The following KAZN variants were observed in gnomAD, a reference collection of about 807,000 sequenced individuals.
KAZN encodes the protein kazrin, periplakin interacting protein.
In KAZN, 40 loss-of-function variants were observed where a neutral mutation model predicts 87.4. That is an observed-to-expected ratio of 0.46 (90% CI 0.36 to 0.60). The LOEUF (loss-of-function observed/expected upper bound fraction) is 0.60. Among genes scored for constraint, KAZN ranks in the 20% least tolerant of loss-of-function variants. The pLI is 0.00. For synonymous variants in KAZN, 466 were observed against 458.3 expected (o/e 1.02, Z -0.22); for missense variants, 898 against 1,073.9 (o/e 0.84, Z 2.29).
At chr1:14,406,359 A>G (rs1162364180) in intron 2 of KAZN, among the ~76,000 whole-genome samples, 2 of 152,252 alleles carry the variant, frequency 1.3e-5, no homozygotes, top group South Asian at 2.1e-4. Context: ...CTACTCAGCC[A>G]TAAAAAAAGA....
At chr1:14,382,942 A>C (rs907497762) in intron 2 of KAZN, among the ~76,000 whole-genome samples, 6 of 151,406 alleles carry the variant, frequency 4.0e-5, no homozygotes, top group African/African-American at 1.5e-4. Flanking sequence ...CCAACGGTGT[A>C]AAAGTGTTCC....
At chr1:14,859,740 A>G (rs1650608187) in intron 1 of KAZN, among the ~76,000 whole-genome samples, 1 of 152,196 alleles carries the variant, frequency 6.6e-6, no homozygotes, top group African/African-American at 2.4e-5. Flanking sequence ...TAAGGAGGGC[A>G]GGATTACTTG....
chr1:14,227,463 T>C (rs1237696100), intron 2 of KAZN, among the ~76,000 whole-genome samples: 8 of 152,046 alleles, frequency 5.3e-5, no homozygotes, highest in Non-Finnish European at 1.2e-4. Flanking sequence ...GGCTGGAGGG[T>C]TGCAGACAGG....
In KAZN at chr1:14,669,318, TC is replaced by T. The variant is rs139083133; in HGVS notation, c.226+70096del. On this transcript the variant is annotated intron_variant, in intron 1 of 14. Coordinates refer to ENST00000376030, the MANE Select transcript of KAZN (RefSeq NM_201628.3). ...GCTATTAGGAGCCAGTAGGTAAAGG[TC>T]AGGGGAGGCTGCCAAACATCCCACA... Among the ~76,000 whole-genome samples, 446 of 152,208 alleles carry T rather than the reference TC, an allele frequency of 2.9e-3. 7 individuals carry two copies. Among genetic ancestry groups the T allele is most frequent in the East Asian group, 0.019 (99 of 5,178 alleles).
intron 4 of KAZN, among the ~76,000 whole-genome samples, chr1:15,049,758 A>G (rs10803342): frequency 0.34 from 51,059 of 151,952 alleles, 10,424 homozygotes; most frequent in East Asian, 0.71. Flanking sequence ...GTGTGGTGGC[A>G]CACACCTGTA....
chr1:14,644,995 G>T (rs1460234721), intron 1 of KAZN, among the ~76,000 whole-genome samples: 3 of 152,016 alleles, frequency 2.0e-5, no homozygotes, highest in Non-Finnish European at 2.9e-5. Context: ...GTAAGGAAGG[G>T]GTCCAATTTC....
At position 14,833,969 on chromosome 1, in the gene KAZN, TCACACACA is replaced by T. The variant is rs56000715; in HGVS notation, c.227-126682_227-126675del. Among the ~76,000 whole-genome samples, 778 of 141,940 alleles carry T rather than the reference TCACACACA, an allele frequency of 5.5e-3. 3 individuals carry two copies. The highest frequency in any genetic ancestry group is 0.011 in the South Asian group (49 of 4,328). 93.1% of individuals were successfully genotyped at this position (141,940 alleles called of 152,430 possible). A position where few individuals can be genotyped will look rare whatever the true frequency, so the allele number is the denominator to read the frequency against. On this transcript the variant is annotated intron_variant, in intron 1 of 14. Coordinates refer to ENST00000376030, the MANE Select transcript of KAZN (RefSeq NM_201628.3). ...GGACTCTGCTGTCCTCCCAAGTCAT[TCACACACA>T]CACACACACACACACACACACACAC...
chr1:15,014,397 C>G (rs2102107917), intron 2 of KAZN, among the ~76,000 whole-genome samples: 1 of 152,276 alleles, frequency 6.6e-6, no homozygotes, highest in South Asian at 2.1e-4. Context: ...AACCACAGTG[C>G]TCCACGGCGG....
Position 13,909,778 on chromosome 1 carries a change from T to G in KAZN, c.91+16022T>G, listed in dbSNP as rs140650676. 1.7e-3 allele frequency among the ~76,000 whole-genome samples: 256 copies of G among 152,320 alleles called. 1 individual carries two copies. The highest frequency in any genetic ancestry group is 6.0e-3 in the African/African-American group (250 of 41,574). On this transcript the variant is annotated intron_variant, in intron 1 of 16. Coordinates refer to the KAZN transcript ENST00000636203. ...CCTTCTGCTAGCCTTATGGAAAGAT[T>G]TGGTCTGAGTTGAACCCTGAGAATA...
intron 2 of KAZN, among the ~76,000 whole-genome samples, chr1:14,518,955 C>A (rs1035946464): frequency 6.6e-6 from 1 of 152,114 alleles, no homozygotes; most frequent in African/African-American, 2.4e-5. Flanking sequence ...GCATGGGGAC[C>A]CAACTTCGGA....
intron 3 of KAZN, among the ~76,000 whole-genome samples, chr1:15,035,094 G>A (rs1419275334): frequency 1.3e-5 from 2 of 152,014 alleles, no homozygotes; most frequent in South Asian, 2.1e-4. Context: ...ACAGGACAGC[G>A]TGGACTCAGG....
chr1:14,342,888 C>A (rs556343997), intron 2 of KAZN, among the ~76,000 whole-genome samples: 1 of 152,240 alleles, frequency 6.6e-6, no homozygotes, highest in African/African-American at 2.4e-5. Context: ...CGCCTGTAAT[C>A]CCAGCATTTT....
chr1:13,949,547 A>T (rs990885399), intron 1 of KAZN, among the ~76,000 whole-genome samples: 1 of 151,800 alleles, frequency 6.6e-6, no homozygotes, highest in Non-Finnish European at 1.5e-5. Flanking sequence ...TTAGGGTGAG[A>T]TTTTTTTCCA....
At chr1:13,893,606 C>A (rs1002166774) in exon 1 of KAZN, 20 of 1,535,338 alleles carry the variant, frequency 1.3e-5, no homozygotes, top group Non-Finnish European at 1.7e-5. Flanking sequence ...ATCCTTTGCT[C>A]TGACACTCCA....
intron 1 of KAZN, among the ~76,000 whole-genome samples, chr1:14,090,320 C>T (rs1643946678): frequency 6.6e-6 from 1 of 151,972 alleles, no homozygotes; most frequent in African/African-American, 2.4e-5. Flanking sequence ...CTCTTTTTCT[C>T]TGTATGCTTC....
intron 1 of KAZN, among the ~76,000 whole-genome samples, chr1:13,928,808 C>T (rs1640385429): frequency 6.6e-6 from 1 of 151,722 alleles, no homozygotes; most frequent in Non-Finnish European, 1.5e-5. Context: ...TGAGTACATG[C>T]CTTGGAGTGA....
rs1338245929 is a variant in KAZN, at chr1:14,769,127, G to A, written c.226+169904G>A. 6.6e-6 allele frequency among the ~76,000 whole-genome samples: 1 copy of A among 152,144 alleles called. No homozygotes were observed. Among genetic ancestry groups the A allele is most frequent in the Admixed American group, 6.5e-5 (1 of 15,276 alleles). On this transcript the variant is annotated intron_variant, in intron 1 of 14. Transcript: ENST00000376030. This position sits in a 1 kb window ranked among gnomAD's most constrained non-coding sequence, Gnocchi z 4.1. ...CCTTTGCTGTCCATTCACAGTGGTTGGAGCCAAGCCCATCAAGGCCAGCAG... is the reference window on the plus strand; with the variant it reads ...CCTTTGCTGTCCATTCACAGTGGTTAGAGCCAAGCCCATCAAGGCCAGCAG...
intron 1 of KAZN, among the ~76,000 whole-genome samples, chr1:14,011,498 C>A (rs1640311155): frequency 6.6e-6 from 1 of 152,184 alleles, no homozygotes; most frequent in Non-Finnish European, 1.5e-5. Flanking sequence ...TTGGTCCCAT[C>A]GTGGAATACC....
intron 1 of KAZN, among the ~76,000 whole-genome samples, chr1:14,074,236 G>T (rs1643356718): frequency 6.6e-6 from 1 of 152,036 alleles, no homozygotes; most frequent in Admixed American, 6.5e-5. Flanking sequence ...CTCCACAATA[G>T]TCTGTGCTCA....
Sources: allele counts gnomAD v4.1 joint callset (sites outside exome capture counted in the v4.1 genomes callset), GRCh38; gene constraint gnomAD v4.1.1; non-coding constraint Gnocchi (gnomAD v3.1); transcripts MANE v1.5; gene names NCBI Gene and HGNC (gene_info 2026-07-23, HGNC 2026-07-21).